Variants in CAMK2D observed in about 807,000 individuals in gnomAD.
CAMK2D encodes the protein calcium/calmodulin dependent protein kinase II delta.
A neutral mutation model predicts 84.0 loss-of-function variants in CAMK2D; 37 were observed. The observed-to-expected ratio is 0.44, with a 90% CI of 0.34 to 0.58. CAMK2D has a LOEUF of 0.58. Ranked by LOEUF, CAMK2D falls within the 20% of genes least tolerant of loss-of-function variation. The probability of loss-of-function intolerance (pLI) is 0.02; values close to 1 mark genes in which losing one functional copy is unlikely to be tolerated. For missense variants in CAMK2D, 448 were observed against 652.5 expected (o/e 0.69, Z 3.41); for synonymous variants, 202 against 212.5 (o/e 0.95, Z 0.43).
rs918018879 is a variant in CAMK2D at position 113,452,294 on chromosome 4, C to G, written c.*2251G>C. On this transcript the variant is annotated 3_prime_UTR_variant, in exon 21 of 21. Coordinates refer to ENST00000511664, the MANE Select transcript of CAMK2D (RefSeq NM_001321571.2). The stretch of plus-strand genomic sequence containing the variant: ...GAGAACAATTAACTTGCCATTCTCA[C>G]CAAGTGCAAATTGTTATGTACTAAA... 4 of 152,160 alleles carry G rather than the reference C, an allele frequency of 2.6e-5. No individual in the cohort carries two copies. The highest frequency in any genetic ancestry group is 1.3e-4 in the Admixed American group (2 of 15,254). The allele number at this position is 152,160 out of a possible 1,614,324, so 9.4% of individuals were successfully genotyped here.
At chr4:113,546,147 A>G (rs1033812874) in intron 6 of CAMK2D, among the ~76,000 whole-genome samples, 56 of 152,232 alleles carry the variant, frequency 3.7e-4, no homozygotes, top group African/African-American at 1.3e-3. Flanking sequence ...AAAATGTTTC[A>G]AATAATAAAT....
intron 3 of CAMK2D, among the ~76,000 whole-genome samples, chr4:113,652,878 C>T (rs1263206455): frequency 6.6e-6 from 1 of 152,078 alleles, no homozygotes; most frequent in African/African-American, 2.4e-5. Flanking sequence ...TCATTTGTAA[C>T]AGAAGGACTC....
chr4:113,506,211 T>C (rs2098125580), intron 13 of CAMK2D, among the ~76,000 whole-genome samples: 1 of 152,178 alleles, frequency 6.6e-6, no homozygotes, highest in African/African-American at 2.4e-5. Flanking sequence ...GATAACTATA[T>C]ATCCTGTCAA....
intron 15 of CAMK2D, among the ~76,000 whole-genome samples, chr4:113,502,212 T>G (rs2098057354): frequency 6.6e-6 from 1 of 152,110 alleles, no homozygotes; most frequent in South Asian, 2.1e-4. Flanking sequence ...TAGACATGTA[T>G]GCTAGTGCTG....
chr4:113,457,160 A>C, intron 19 of CAMK2D, 175 bp downstream of exon 19: 9 of 1,434,720 alleles, frequency 6.3e-6, no homozygotes, highest in Non-Finnish European at 8.2e-6. Flanking sequence ...CAAATGGCTG[A>C]TCTGATTGAT....
At chr4:113,709,020 C>A (rs1459927052) in intron 2 of CAMK2D, among the ~76,000 whole-genome samples, 1 of 152,044 alleles carries the variant, frequency 6.6e-6, no homozygotes, top group Non-Finnish European at 1.5e-5. Flanking sequence ...CCGCGCCTGG[C>A]CCAAAACAGA....
Position 113,462,334 on chromosome 4 carries a change from G to GTCTATCTATCTATCTATCTA in CAMK2D, c.1212-2094_1212-2093insTAGATAGATAGATAGATAGA, listed in dbSNP as rs1164998007. ...TGTCTGTCTGTCTGTCTGTCTGTCT[G>GTCTATCTATCTATCTATCTA]TCTGTCTATCTATCTATCTATCTAT... is the stretch of plus-strand genomic sequence containing the variant. On this transcript the variant is annotated intron_variant, in intron 17 of 20. Transcript: ENST00000511664. 1.8e-3 allele frequency among the ~76,000 whole-genome samples: 229 copies of GTCTATCTATCTATCTATCTA among 129,730 alleles called. 1 individual carries two copies. The highest frequency in any genetic ancestry group is 3.7e-3 in the Middle Eastern group (1 of 272). The allele number at this position is 129,730 out of a possible 152,430, so 85.1% of individuals were successfully genotyped here. A position where few individuals can be genotyped will look rare whatever the true frequency, so the allele number is the denominator to read the frequency against.
intron 16 of CAMK2D, among the ~76,000 whole-genome samples, chr4:113,473,303 G>C (rs1368514043): frequency 1.3e-5 from 2 of 152,118 alleles, no homozygotes; most frequent in African/African-American, 4.8e-5. Flanking sequence ...TTATGCTCTT[G>C]GTAGTTTTAC....
At chr4:113,492,742 T>G (rs1242603019) in intron 16 of CAMK2D, among the ~76,000 whole-genome samples, 3 of 146,034 alleles carry the variant, frequency 2.1e-5, no homozygotes, top group Non-Finnish European at 4.5e-5. Context: ...GAGAGTGGGG[T>G]GTTAAAGTCT....
chr4:113,484,532 GATT>G (rs2097744997), intron 16 of CAMK2D, among the ~76,000 whole-genome samples: 1 of 152,022 alleles, frequency 6.6e-6, no homozygotes, highest in Non-Finnish European at 1.5e-5. Context: ...GATTAAATGA[GATT>G]TTTTAAAAAA....
chr4:113,488,589 A>G (rs889633991), intron 16 of CAMK2D, among the ~76,000 whole-genome samples: 2 of 152,242 alleles, frequency 1.3e-5, no homozygotes, highest in African/African-American at 4.8e-5. Flanking sequence ...TAGCTCAATC[A>G]AAGTTTAGAA....
Position 113,664,855 on chromosome 4 carries a change from G to A in CAMK2D, c.161-3083C>T, listed in dbSNP as rs114698630. On this transcript the variant is annotated intron_variant, in intron 2 of 20. Transcript: ENST00000511664. ...TTTTGCTCTTGTCAACCAGGCAGGA[G>A]TGCAATGGCACAATCTTGGTTCACT... is the stretch of plus-strand genomic sequence containing the variant. Among the ~76,000 whole-genome samples the A allele has an allele frequency of 5.0e-3, 762 of 151,516 alleles. 3 individuals are homozygous for A. Among genetic ancestry groups the A allele is most frequent in the Middle Eastern group, 0.01 (3 of 294 alleles).
rs574520061 is a variant in CAMK2D at position 113,457,175 on chromosome 4, C to T, written c.1535+160G>A. 4.2e-6 allele frequency: 6 copies of T among 1,440,836 alleles called. No homozygotes were observed. In the African/African-American group the frequency reaches 5.7e-5, roughly 14 times the overall value. 89.3% of individuals were successfully genotyped at this position (1,440,836 alleles called of 1,614,324 possible). On this transcript the variant is annotated intron_variant, in intron 19 of 20. Coordinates refer to ENST00000511664, the MANE Select transcript of CAMK2D (RefSeq NM_001321571.2). ...CAAATGGCTGATCTGATTGATCTTT[C>T]CAGAGAATCATAAACCTTTCCCGTG...
intron 4 of CAMK2D, among the ~76,000 whole-genome samples, chr4:113,590,007 T>C (rs2098857479): frequency 6.6e-6 from 1 of 152,140 alleles, no homozygotes; most frequent in South Asian, 2.1e-4. Flanking sequence ...TATATGCATG[T>C]TAATAAGGTT....
chr4:113,526,038 G>A (rs573953532), intron 8 of CAMK2D, among the ~76,000 whole-genome samples: 1 of 152,252 alleles, frequency 6.6e-6, no homozygotes, highest in East Asian at 1.9e-4. Context: ...CACGAGTGAG[G>A]TGATATATAA....
At chr4:113,538,896 C>T (rs1012370323) in intron 6 of CAMK2D, among the ~76,000 whole-genome samples, 5 of 152,144 alleles carry the variant, frequency 3.3e-5, no homozygotes, top group South Asian at 2.1e-4. Flanking sequence ...GCTATTATGA[C>T]GACCGGTAAA....
chr4:113,749,095 TA>T (rs1364444765), intron 2 of CAMK2D, among the ~76,000 whole-genome samples: 8 of 151,834 alleles, frequency 5.3e-5, no homozygotes, highest in African/African-American at 1.9e-4. Flanking sequence ...AGTCATCATT[TA>T]AAAATATGAT....
At position 113,761,037 on chromosome 4, in the gene CAMK2D, G is replaced by C. The variant is rs776873345; in HGVS notation, c.32C>G (p.Thr11Arg). MASTTTCTRF[T>R]DEYQLFEELG... The stretch of plus-strand genomic sequence containing the variant: ...CTCCTCGAAAAGCTGATACTCGTCC[G>C]TGAACCTGGTGCAGGTTGTGGTCGA... The change falls in exon 1 of 21, where the codon ACG (threonine) becomes AGG (arginine). Residue 11 changes from threonine (T) to arginine (R), a missense_variant. Thr to Arg is a moderately conservative substitution (Grantham distance 71). Transcript: ENST00000511664. 6.2e-7 allele frequency: 1 copy of C among 1,614,070 alleles called. No homozygotes were observed. The highest frequency in any genetic ancestry group is 8.5e-7 in the Non-Finnish European group (1 of 1,180,038).
intron 2 of CAMK2D, among the ~76,000 whole-genome samples, chr4:113,743,058 A>G (rs1249560208): frequency 6.6e-6 from 1 of 152,224 alleles, no homozygotes; most frequent in African/African-American, 2.4e-5. Context: ...AAAAAGAAAT[A>G]TGTTACTGAA....
Sources: allele counts gnomAD v4.1 joint callset (sites outside exome capture counted in the v4.1 genomes callset), GRCh38; gene constraint gnomAD v4.1.1; transcripts MANE v1.5; gene names NCBI Gene and HGNC (gene_info 2026-07-23, HGNC 2026-07-21).